The following PTPRG variants were observed in gnomAD, a reference collection of about 807,000 sequenced individuals.
PTPRG encodes the protein protein tyrosine phosphatase receptor type G, also known as receptor-type tyrosine-protein phosphatase gamma.
In PTPRG, 102 loss-of-function variants were observed where a neutral mutation model predicts 165.3. The observed-to-expected ratio is 0.62, with a 90% CI of 0.53 to 0.73. PTPRG has a LOEUF of 0.73. Ranked by LOEUF, PTPRG falls within the 30% of genes least tolerant of loss-of-function variation. The pLI is 0.00. For missense variants in PTPRG, 1,866 were observed against 1,861.4 expected, an observed-to-expected ratio of 1.00 and a Z score of -0.05; for synonymous variants, 675 against 669.5, an observed-to-expected ratio of 1.01 and a Z score of -0.13.
chr3:62,065,298 G>A (rs114824731), intron 4 of PTPRG, among the ~76,000 whole-genome samples: 1,658 of 152,228 alleles, frequency 0.011, 27 homozygotes, highest in African/African-American at 0.038. Flanking sequence ...TTTCTAGCTT[G>A]TGGAGCCCTT....
chr3:62,192,501 C>G (rs568382579), intron 9 of PTPRG, among the ~76,000 whole-genome samples: 9 of 148,444 alleles, frequency 6.1e-5, no homozygotes, highest in African/African-American at 2.3e-4. Flanking sequence ...CTCCACCTCC[C>G]GGGTTCATGC....
intron 2 of PTPRG, among the ~76,000 whole-genome samples, chr3:61,964,819 A>G (rs752769869): frequency 3.3e-5 from 5 of 151,974 alleles, no homozygotes; most frequent in Non-Finnish European, 4.4e-5. Context: ...AACCCACTCT[A>G]TTGTCATTTG....
At chr3:61,612,813 T>C (rs1289187399) in intron 1 of PTPRG, among the ~76,000 whole-genome samples, 2 of 151,990 alleles carry the variant, frequency 1.3e-5, no homozygotes, top group Admixed American at 6.6e-5. Flanking sequence ...TTCGGGGGAA[T>C]GGGATCCTAT....
intron 2 of PTPRG, among the ~76,000 whole-genome samples, chr3:61,959,182 C>T (rs538726231): frequency 1.4e-4 from 21 of 152,280 alleles, no homozygotes; most frequent in African/African-American, 4.8e-4. Flanking sequence ...TTATGTGTTC[C>T]AATTTCAGAT....
At chr3:61,957,172 C>T (rs1305351923) in intron 2 of PTPRG, among the ~76,000 whole-genome samples, 1 of 152,166 alleles carries the variant, frequency 6.6e-6, no homozygotes. Flanking sequence ...AAAATATTGT[C>T]ACACAGATTA....
chr3:61,677,244 CAAAAAAA>C (rs11426161), intron 1 of PTPRG, among the ~76,000 whole-genome samples: 1 of 71,562 alleles, frequency 1.4e-5, no homozygotes, highest in East Asian at 3.7e-4. Context: ...GACTCCGTCT[CAAAAAAA>C]AAAAAAAAAA....
chr3:62,039,698 G>A (rs987495874), intron 4 of PTPRG, among the ~76,000 whole-genome samples: 7 of 152,144 alleles, frequency 4.6e-5, no homozygotes, highest in African/African-American at 1.7e-4. Context: ...ATTTAAGAAT[G>A]CATTTGGGGT....
At chr3:61,923,958 C>T (rs2039145824) in intron 2 of PTPRG, among the ~76,000 whole-genome samples, 1 of 152,058 alleles carries the variant, frequency 6.6e-6, no homozygotes, top group Non-Finnish European at 1.5e-5. Flanking sequence ...CATTCATTTC[C>T]ATTATACTAT....
intron 1 of PTPRG, among the ~76,000 whole-genome samples, chr3:61,621,540 TTTTG>T (rs1475019413): frequency 6.6e-6 from 1 of 152,212 alleles, no homozygotes; most frequent in African/African-American, 2.4e-5. Context: ...ATCTCAGCAA[TTTTG>T]TTTTTTTCGC....
At chr3:61,828,109 G>C (rs2036165353) in intron 2 of PTPRG, among the ~76,000 whole-genome samples, 1 of 152,008 alleles carries the variant, frequency 6.6e-6, no homozygotes, top group Non-Finnish European at 1.5e-5. Flanking sequence ...ATATTTCTCT[G>C]GTATGTGATT....
At chr3:62,259,379 T>G (rs1353432052) in intron 16 of PTPRG, among the ~76,000 whole-genome samples, 1 of 151,576 alleles carries the variant, frequency 6.6e-6, no homozygotes, top group Non-Finnish European at 1.5e-5. Flanking sequence ...TAAAATACAC[T>G]AATGAGAGCT....
At chr3:62,244,000 G>T (rs1701228451) in intron 15 of PTPRG, 102 bp downstream of exon 15, 3 of 685,900 alleles carry the variant, frequency 4.4e-6, no homozygotes, top group Non-Finnish European at 4.9e-6. Context: ...GCCTTTTAAA[G>T]CTTGCCCAGT....
intron 1 of PTPRG, among the ~76,000 whole-genome samples, chr3:61,665,679 T>G (rs1702793355): frequency 6.6e-6 from 1 of 151,542 alleles, no homozygotes; most frequent in African/African-American, 2.4e-5. Flanking sequence ...GAAAAGAAAA[T>G]TAACTGGGTG....
chr3:61,967,325 G>T (rs1443508715), intron 2 of PTPRG, among the ~76,000 whole-genome samples: 1 of 152,070 alleles, frequency 6.6e-6, no homozygotes, highest in African/African-American at 2.4e-5. Context: ...AACAAACTAG[G>T]CAGAGTCGAA....
At chr3:61,787,384 T>C (rs1412282391) in intron 2 of PTPRG, among the ~76,000 whole-genome samples, 1 of 152,230 alleles carries the variant, frequency 6.6e-6, no homozygotes, top group Non-Finnish European at 1.5e-5. Flanking sequence ...CCTGAATGAA[T>C]CTAAGGCAAC....
intron 2 of PTPRG, among the ~76,000 whole-genome samples, chr3:61,787,028 C>T (rs1428886530): frequency 6.6e-6 from 1 of 152,030 alleles, no homozygotes; most frequent in Admixed American, 6.6e-5. Flanking sequence ...GATCTGGTAT[C>T]CTTCTTTAAA....
At chr3:61,984,763 A>G (rs1445110405) in intron 2 of PTPRG, among the ~76,000 whole-genome samples, 2 of 152,232 alleles carry the variant, frequency 1.3e-5, no homozygotes, top group African/African-American at 4.8e-5. Context: ...CATTCAATCT[A>G]GAGCACCACA....
At chr3:61,884,897 A>G (rs1575751588) in intron 2 of PTPRG, among the ~76,000 whole-genome samples, 1 of 152,160 alleles carries the variant, frequency 6.6e-6, no homozygotes, top group East Asian at 1.9e-4. Context: ...CCCCTAGCAA[A>G]AGAAAACCCC....
At chr3:62,130,274 G>A (rs552714537) in intron 5 of PTPRG, among the ~76,000 whole-genome samples, 1 of 152,278 alleles carries the variant, frequency 6.6e-6, no homozygotes, top group African/African-American at 2.4e-5. Flanking sequence ...CCTTTAATAG[G>A]CTAACTTGGA....
Sources: gnomAD v4.1 joint callset for allele counts (sites outside exome capture counted in the v4.1 genomes callset) on GRCh38, gnomAD v4.1.1 for gene constraint, MANE v1.5 for transcripts, NCBI Gene and HGNC (gene_info 2026-07-23, HGNC 2026-07-21) for gene names.